Variants in MSI2 observed in about 807,000 individuals in gnomAD.
MSI2 encodes RNA-binding protein Musashi homolog 2.
In MSI2, 17 loss-of-function variants were observed where a neutral mutation model predicts 45.6. That is an observed-to-expected ratio of 0.37 (90% CI 0.26 to 0.56). The LOEUF is 0.56. MSI2 is among the 20% of genes least tolerant of loss of function. The pLI, the probability that MSI2 is intolerant of heterozygous loss-of-function variation, is 0.77. For missense variants in MSI2, 293 were observed against 444.2 expected, an observed-to-expected ratio of 0.66 and a Z score of 3.06; for synonymous variants, 156 against 158.2, an observed-to-expected ratio of 0.99 and a Z score of 0.11.
At chr17:57,523,197 A>G (rs997571859) in intron 6 of MSI2, among the ~76,000 whole-genome samples, 9 of 151,986 alleles carry the variant, frequency 5.9e-5, no homozygotes, top group African/African-American at 2.2e-4. Flanking sequence ...ACAAGCACAC[A>G]CCACAACGCC....
chr17:57,464,457 G>A (rs935363178), intron 6 of MSI2, among the ~76,000 whole-genome samples: 2 of 152,000 alleles, frequency 1.3e-5, no homozygotes, highest in East Asian at 1.9e-4. Context: ...AAACAAAAAG[G>A]AAAAGCAGAG....
chr17:57,583,442 A>G (rs1258494277), intron 7 of MSI2, among the ~76,000 whole-genome samples: 1 of 151,808 alleles, frequency 6.6e-6, no homozygotes, highest in Non-Finnish European at 1.5e-5. Context: ...CCAGGTGACA[A>G]AAATTAGGCA....
intron 6 of MSI2, among the ~76,000 whole-genome samples, chr17:57,420,800 A>C (rs879716666): frequency 1.3e-5 from 2 of 152,190 alleles, no homozygotes; most frequent in African/African-American, 4.8e-5. Flanking sequence ...TTTCCTCAAC[A>C]GCAGGTGTCT....
At chr17:57,689,766 T>G in the MSI2 span, among the ~76,000 whole-genome samples, 1 of 152,384 alleles carries the variant, frequency 6.6e-6, no homozygotes, top group East Asian at 1.9e-4. Context: ...TAAAGTTTCA[T>G]ATAACTTGAA....
chr17:57,331,943 A>G (rs1246561597), intron 5 of MSI2, among the ~76,000 whole-genome samples: 2 of 152,204 alleles, frequency 1.3e-5, no homozygotes, highest in African/African-American at 4.8e-5. Flanking sequence ...ACTCAAAAAT[A>G]TCAGTGATGA....
At chr17:57,408,959 T>C (rs2084137521) in intron 6 of MSI2, among the ~76,000 whole-genome samples, 2 of 152,140 alleles carry the variant, frequency 1.3e-5, no homozygotes, top group African/African-American at 4.8e-5. Context: ...TTTTCTTTCT[T>C]TATTTTCTTC....
intron 6 of MSI2, among the ~76,000 whole-genome samples, chr17:57,470,937 G>A (rs546831761): frequency 1.5e-3 from 226 of 151,494 alleles, no homozygotes; most frequent in Non-Finnish European, 2.8e-3. Context: ...CTAGTAAAGC[G>A]AGCAGTTCCT....
At chr17:57,675,580 TGAGAG>T (rs1913170752) in intron 12 of MSI2, among the ~76,000 whole-genome samples, 1 of 152,196 alleles carries the variant, frequency 6.6e-6, no homozygotes, top group Non-Finnish European at 1.5e-5. Context: ...GGCTGGGACC[TGAGAG>T]CTGGGAAATG....
intron 6 of MSI2, among the ~76,000 whole-genome samples, chr17:57,454,999 T>C (rs990499887): frequency 6.6e-6 from 1 of 152,188 alleles, no homozygotes; most frequent in Non-Finnish European, 1.5e-5. Flanking sequence ...ATTCCTGCCA[T>C]GACCTTGAGG....
At chr17:57,469,658 G>C (rs1200766001) in intron 6 of MSI2, among the ~76,000 whole-genome samples, 6 of 152,216 alleles carry the variant, frequency 3.9e-5, no homozygotes, top group Admixed American at 1.3e-4. Flanking sequence ...ATGGAGACTG[G>C]GGGAGAGAGA....
At chr17:57,697,271 TCA>T in the MSI2 span, among the ~76,000 whole-genome samples, 1 of 151,164 alleles carries the variant, frequency 6.6e-6, no homozygotes, top group Non-Finnish European at 1.5e-5. Context: ...CCTCTGAGAC[TCA>T]CACCCCTCAC....
chr17:57,329,272 C>G (rs1012329308), intron 5 of MSI2, among the ~76,000 whole-genome samples: 5 of 152,176 alleles, frequency 3.3e-5, no homozygotes, highest in African/African-American at 1.2e-4. Context: ...CCTTCAATTA[C>G]ATTTGGAAAA....
intron 6 of MSI2, among the ~76,000 whole-genome samples, chr17:57,435,636 C>G (rs1192868188): frequency 1.3e-5 from 2 of 152,298 alleles, no homozygotes; most frequent in East Asian, 3.9e-4. Context: ...AAAGTCAATA[C>G]AGCATGCTCA....
intron 5 of MSI2, among the ~76,000 whole-genome samples, chr17:57,323,505 T>G (rs2143683728): frequency 6.6e-6 from 1 of 152,348 alleles, no homozygotes; most frequent in South Asian, 2.1e-4. Flanking sequence ...GCCTTTGCCC[T>G]CCTGTCCCTG....
Position 57,575,006 on chromosome 17 carries a change from G to A in MSI2, c.455-21862G>A, listed in dbSNP as rs182813122. Among the ~76,000 whole-genome samples, 84 of 151,862 alleles carry A rather than the reference G, an allele frequency of 5.5e-4. No individual in the cohort carries two copies. The South Asian group carries it at 8.4e-3, about 15-fold the overall frequency. ...CCACCACGCCCGGCTAATTTTTTGT[G>A]TTTTTAGTAGAGATGGGGTTTCACT... On this transcript the variant is annotated intron_variant, in intron 7 of 13. Transcript: ENST00000284073.
chr17:57,657,460 C>G (rs542109373), intron 11 of MSI2, among the ~76,000 whole-genome samples: 21 of 152,160 alleles, frequency 1.4e-4, no homozygotes, highest in Non-Finnish European at 2.1e-4. Flanking sequence ...AAATCCCCTC[C>G]CACTGGCCTA....
chr17:57,534,010 G>T (rs1229687569), intron 7 of MSI2, among the ~76,000 whole-genome samples: 3 of 152,258 alleles, frequency 2.0e-5, no homozygotes, highest in Non-Finnish European at 4.4e-5. Flanking sequence ...AGCAGGCCAT[G>T]TTAGCAATCT....
intron 6 of MSI2, among the ~76,000 whole-genome samples, chr17:57,445,495 G>A (rs1292367997): frequency 2.0e-5 from 3 of 151,074 alleles, no homozygotes; most frequent in Non-Finnish European, 2.9e-5. Flanking sequence ...GGGGTCTTTT[G>A]TTGTGTTGTT....
At chr17:57,283,429 A>AT (rs934254127) in intron 5 of MSI2, among the ~76,000 whole-genome samples, 1 of 152,064 alleles carries the variant, frequency 6.6e-6, no homozygotes, top group African/African-American at 2.4e-5. Flanking sequence ...GGGGGGCTTG[A>AT]TTTGTCTGTT....
Sources: gnomAD v4.1 joint callset for allele counts (sites outside exome capture counted in the v4.1 genomes callset) on GRCh38, gnomAD v4.1.1 for gene constraint, MANE v1.5 for transcripts, NCBI Gene and HGNC (gene_info 2026-07-23, HGNC 2026-07-21) for gene names.